The following NAV1 variants were observed in gnomAD, a reference collection of about 807,000 sequenced individuals.
The protein encoded by NAV1 is neuron navigator 1.
In NAV1, 18 loss-of-function variants were observed where a neutral mutation model predicts 175.2. The ratio of observed to expected loss-of-function variants is 0.10; its 90% confidence interval spans 0.07 to 0.15. NAV1 has a LOEUF of 0.15. NAV1 is among the 10% of genes least tolerant of loss of function. NAV1 has a pLI of 1.00. For synonymous variants in NAV1, 897 were observed against 978.7 expected, an observed-to-expected ratio of 0.92 and a Z score of 1.56; for missense variants, 1,731 against 2,436.6, an observed-to-expected ratio of 0.71 and a Z score of 6.10.
At chr1:201,657,053 A>G (rs1270382905) in intron 1 of NAV1, among the ~76,000 whole-genome samples, 1 of 152,214 alleles carries the variant, frequency 6.6e-6, no homozygotes, top group Non-Finnish European at 1.5e-5. Flanking sequence ...CAACATCCCC[A>G]GACTGAGGCT....
chr1:201,815,651 G>T (rs1365389739), intron 28 of NAV1, among the ~76,000 whole-genome samples: 1 of 152,174 alleles, frequency 6.6e-6, no homozygotes, highest in African/African-American at 2.4e-5. Context: ...GGAGGAATAA[G>T]TTCAAGAGAT....
At chr1:201,555,697 G>A (rs1665989455) in intron 1 of NAV1, among the ~76,000 whole-genome samples, 1 of 152,050 alleles carries the variant, frequency 6.6e-6, no homozygotes, top group African/African-American at 2.4e-5. Context: ...GCTATAAATA[G>A]CACCCTGGAA....
Position 201,812,546 on chromosome 1 carries a change from C to G in NAV1, c.5106C>G (p.Asp1702Glu), listed in dbSNP as rs1259527692. 1.9e-6 allele frequency: 3 copies of G among 1,614,120 alleles called. No homozygotes were observed. Among genetic ancestry groups the G allele is most frequent in the East Asian group, 2.2e-5 (1 of 44,898 alleles). Reference sequence around the variant, plus strand: ...TGAGGAGGAAGCTGGTAGAGTCAGACAGCGACATCAATGCCAACAAGGAAG... The same window carrying G: ...TGAGGAGGAAGCTGGTAGAGTCAGAGAGCGACATCAATGCCAACAAGGAAG... Residue 1702 changes from aspartate (D) to glutamate (E), a missense_variant, in exon 27 of 30, where the codon GAC becomes GAG. Physicochemically the swap from Asp to Glu is conservative, Grantham distance 45. Around this residue, in one of 13 missense-constraint regions of NAV1, gnomAD observed 115 missense variants for 269.4 expected, o/e 0.43. Coordinates refer to ENST00000367296, the Ensembl canonical transcript of NAV1. The surrounding 1 kb of genome is among the most constrained non-coding windows in gnomAD (Gnocchi z 4.6).
Position 201,786,582 on chromosome 1 carries a change from G to A in NAV1, c.2995+5G>A. Reference sequence around the variant, plus strand: ...AGGGCCAACTTACCAACATAGGTTAGTGTTTTCAGTCACTCACTGTGGCAT... The same window carrying A: ...AGGGCCAACTTACCAACATAGGTTAATGTTTTCAGTCACTCACTGTGGCAT... On this transcript the variant is annotated splice_donor_5th_base_variant and intron_variant, in intron 9 of 29. Coordinates refer to ENST00000367296, the Ensembl canonical transcript of NAV1. The A allele has an allele frequency of 6.2e-7, 1 of 1,611,546 alleles. No individual in the cohort carries two copies. Among genetic ancestry groups the A allele is most frequent in the Non-Finnish European group, 8.5e-7 (1 of 1,178,880 alleles).
chr1:201,749,861 G>A (rs961503820), intron 3 of NAV1, among the ~76,000 whole-genome samples: 3 of 152,038 alleles, frequency 2.0e-5, no homozygotes, highest in African/African-American at 7.2e-5. Context: ...CCATGTTCAC[G>A]CCACTGCACT....
intron 3 of NAV1, among the ~76,000 whole-genome samples, chr1:201,773,375 G>A (rs1458949848): frequency 6.6e-6 from 1 of 152,116 alleles, no homozygotes; most frequent in Non-Finnish European, 1.5e-5. Flanking sequence ...ATTTTATCAT[G>A]TCAGTAACAG....
intron 8 of NAV1, 25 bp from the exon 13 acceptor site, chr1:201,786,404 T>C: frequency 1.2e-6 from 2 of 1,603,826 alleles, no homozygotes; most frequent in Non-Finnish European, 1.7e-6. Flanking sequence ...AGTCCCAGAC[T>C]GAGTTCTTCT....
At chr1:201,724,390 G>A (rs975980731) in intron 3 of NAV1, 3 of 152,216 alleles carry the variant, frequency 2.0e-5, no homozygotes, top group African/African-American at 4.8e-5. Flanking sequence ...GGAGGCACAC[G>A]TGCCTGATGG....
intron 17 of NAV1, among the ~76,000 whole-genome samples, chr1:201,804,919 AG>A (rs1362308649): frequency 6.6e-6 from 1 of 152,190 alleles, no homozygotes; most frequent in Non-Finnish European, 1.5e-5. Context: ...CAGTTTCCAG[AG>A]GCCAGTTCAG....
intron 2 of NAV1, among the ~76,000 whole-genome samples, chr1:201,602,312 C>T (rs1366377693): frequency 1.3e-5 from 2 of 152,128 alleles, no homozygotes; most frequent in African/African-American, 2.4e-5. Context: ...AGTTGCAATT[C>T]GGTTCTTCTC....
At chr1:201,717,006 C>T (rs1455316647) in intron 2 of NAV1, among the ~76,000 whole-genome samples, 1 of 152,206 alleles carries the variant, frequency 6.6e-6, no homozygotes, top group Non-Finnish European at 1.5e-5. Context: ...GCCAGGGCCT[C>T]CCCCATCTTG....
intron 1 of NAV1, among the ~76,000 whole-genome samples, chr1:201,550,111 A>G (rs569351670): frequency 6.6e-6 from 1 of 151,356 alleles, no homozygotes; most frequent in South Asian, 2.1e-4. Context: ...TGCACCCAAC[A>G]CCCTACATCC....
intron 2 of NAV1, among the ~76,000 whole-genome samples, chr1:201,630,616 A>G (rs1467598494): frequency 6.6e-6 from 1 of 152,202 alleles, no homozygotes; most frequent in Admixed American, 6.5e-5. Flanking sequence ...CAGAGCAGCA[A>G]CACTCATTCT....
intron 2 of NAV1, among the ~76,000 whole-genome samples, chr1:201,604,675 T>A: frequency 1.7e-5 from 2 of 117,780 alleles, no homozygotes; most frequent in African/African-American, 3.6e-5. Flanking sequence ...AGCAAGACTC[T>A]GTCAGAAAAA....
At chr1:201,789,841 C>A in intron 11 of NAV1, 49 bp downstream of exon 15, 1 of 1,557,154 alleles carries the variant, frequency 6.4e-7, no homozygotes, top group South Asian at 1.1e-5. Flanking sequence ...CCTCTACCAT[C>A]CCATGCTCCC....
intron 3 of NAV1, among the ~76,000 whole-genome samples, chr1:201,772,546 T>C (rs1456302341): frequency 2.0e-5 from 3 of 152,234 alleles, no homozygotes; most frequent in East Asian, 1.9e-4. Context: ...TATTGTAACA[T>C]GGTAAAGTCA....
At chr1:201,600,935 A>G (rs1392875169) in intron 2 of NAV1, among the ~76,000 whole-genome samples, 2 of 152,092 alleles carry the variant, frequency 1.3e-5, no homozygotes, top group Non-Finnish European at 2.9e-5. Context: ...GTCTCTGCCA[A>G]AGCTGTTCAG....
chr1:201,785,586 A>T lies in NAV1; in HGVS notation c.2846+235A>T, dbSNP rs185963132. Among the ~76,000 whole-genome samples, 258 of 152,186 alleles carry T rather than the reference A, an allele frequency of 1.7e-3. 2 individuals are homozygous for T. Among genetic ancestry groups the T allele is most frequent in the African/African-American group, 6.0e-3 (249 of 41,496 alleles). ...GGTGACAGGGGAGAAACAAGTTTGC[A>T]CATGGGAATCATGCACTTACCTGTA... On this transcript the variant is annotated intron_variant, in intron 8 of 29. Transcript: ENST00000367296.
At chr1:201,794,886 C>T (rs1677343970) in intron 15 of NAV1, 1 of 297,208 alleles carries the variant, frequency 3.4e-6, no homozygotes, top group African/African-American at 2.2e-5. Flanking sequence ...CATTTTTATG[C>T]AAATGTGTTG....
Sources: gnomAD v4.1 joint callset for allele counts (sites outside exome capture counted in the v4.1 genomes callset) on GRCh38, gnomAD v4.1.1 for gene constraint, gnomAD v4.1.1 regional missense constraint, Gnocchi (gnomAD v3.1) non-coding constraint, MANE v1.5 for transcripts, NCBI Gene and HGNC (gene_info 2026-07-23, HGNC 2026-07-21) for gene names.